Variants in CCDC91 observed in about 807,000 individuals in gnomAD.
CCDC91 encodes coiled-coil domain containing 91, also known as coiled-coil domain-containing protein 91.
Under a neutral mutation model 63.2 loss-of-function variants are expected in CCDC91, and 48 were observed. The observed-to-expected ratio is 0.76, with a 90% CI of 0.60 to 0.97. The LOEUF (loss-of-function observed/expected upper bound fraction) is 0.97, where lower values mean the gene tolerates loss of function less well. Ranked by LOEUF, CCDC91 falls within the 50% of genes least tolerant of loss-of-function variation. The pLI, the probability that CCDC91 is intolerant of heterozygous loss-of-function variation, is 0.00. For missense variants in CCDC91, 500 were observed against 494.6 expected (o/e 1.01, Z -0.10); for synonymous variants, 167 against 165.8 (o/e 1.01, Z -0.06).
intron 1 of CCDC91, among the ~76,000 whole-genome samples, chr12:28,228,596 AT>A (rs1467334670): frequency 6.6e-6 from 1 of 152,028 alleles, no homozygotes; most frequent in Non-Finnish European, 1.5e-5. Flanking sequence ...ACAGACCTAA[AT>A]TTTAGAAAGT....
intron 6 of CCDC91, among the ~76,000 whole-genome samples, chr12:28,355,323 A>G (rs1943452391): frequency 6.6e-6 from 1 of 152,186 alleles, no homozygotes; most frequent in South Asian, 2.1e-4. Context: ...AATCCAATCA[A>G]CAAATTAACC....
rs138418747 is a variant in CCDC91, at chr12:28,507,244, T to G, written c.1215+23079T>G. ...AATCTTAGTAATCCCAAGAATGAAA[T>G]GAGATAATGAGCATAATGTGGCTGC... On this transcript the variant is annotated intron_variant, in intron 12 of 12. Transcript: ENST00000536442. Among the ~76,000 whole-genome samples, 540 of 152,072 alleles carry G rather than the reference T, an allele frequency of 3.6e-3. 2 individuals are homozygous for G. The highest frequency in any genetic ancestry group is 0.012 in the African/African-American group (508 of 41,542).
chr12:28,326,907 G>A (rs1941060723), intron 6 of CCDC91, among the ~76,000 whole-genome samples: 2 of 152,156 alleles, frequency 1.3e-5, no homozygotes, highest in South Asian at 2.1e-4. Flanking sequence ...TTTATTCGAT[G>A]CAATAGAATT....
chr12:28,411,082 G>A (rs1947289001), intron 8 of CCDC91, among the ~76,000 whole-genome samples: 1 of 152,116 alleles, frequency 6.6e-6, no homozygotes, highest in Non-Finnish European at 1.5e-5. Flanking sequence ...TTCCTACTGT[G>A]TGGTAATGCA....
rs758470556 is a variant in CCDC91, at chr12:28,307,788, T to C, written c.576+39T>C. ...ACTTAAGATTTAAAATGTAAGCCTT[T>C]TGATGAAGCATGTGCTATAATTTCA... On this transcript the variant is annotated intron_variant, in intron 6 of 12. Transcript: ENST00000536442. 3 of 1,040,516 alleles carry C rather than the reference T, an allele frequency of 2.9e-6. No individual in the cohort carries two copies. In the East Asian group the frequency reaches 7.3e-5, roughly 25 times the overall value. 64.5% of individuals were successfully genotyped at this position (1,040,516 alleles called of 1,614,324 possible). A position where few individuals can be genotyped will look rare whatever the true frequency, so the allele number is the denominator to read the frequency against.
intron 6 of CCDC91, among the ~76,000 whole-genome samples, chr12:28,315,054 TGTCTA>T (rs1425437530): frequency 1.3e-5 from 2 of 151,956 alleles, no homozygotes; most frequent in African/African-American, 4.8e-5. Flanking sequence ...CATTAAAACA[TGTCTA>T]TATAGTGTAG....
chr12:28,218,988 G>GT (rs1329102837), intron 1 of CCDC91, among the ~76,000 whole-genome samples: 1 of 152,124 alleles, frequency 6.6e-6, no homozygotes, highest in Non-Finnish European at 1.5e-5. Flanking sequence ...TTCTTGGGTT[G>GT]TGTGGCAAGT....
At chr12:28,440,782 G>T (rs1451980206) in intron 8 of CCDC91, among the ~76,000 whole-genome samples, 1 of 151,916 alleles carries the variant, frequency 6.6e-6, no homozygotes, top group Non-Finnish European at 1.5e-5. Flanking sequence ...TTAGAGGCTG[G>T]GAGCAGTGGC....
At chr12:28,459,308 C>A (rs1950198376) in intron 11 of CCDC91, among the ~76,000 whole-genome samples, 1 of 152,090 alleles carries the variant, frequency 6.6e-6, no homozygotes, top group Admixed American at 6.6e-5. Flanking sequence ...TATAAAAAGA[C>A]CTGTTTCTAT....
intron 11 of CCDC91, among the ~76,000 whole-genome samples, chr12:28,482,921 G>A (rs10843186): frequency 0.23 from 35,405 of 151,604 alleles, 4,923 homozygotes; most frequent in Non-Finnish European, 0.32. Flanking sequence ...ATAATATAAT[G>A]GAAATCATAT....
chr12:28,375,880 G>C (rs1944912373), intron 7 of CCDC91, among the ~76,000 whole-genome samples: 1 of 151,752 alleles, frequency 6.6e-6, no homozygotes, highest in South Asian at 2.1e-4. Flanking sequence ...CTATTATGTA[G>C]AGTATCATAT....
intron 3 of CCDC91, among the ~76,000 whole-genome samples, chr12:28,267,041 G>C (rs1334468794): frequency 1.3e-5 from 2 of 151,502 alleles, no homozygotes; most frequent in African/African-American, 4.8e-5. Flanking sequence ...ACTTTTTATT[G>C]TTTTTGAGAG....
chr12:28,527,369 T>G (rs1280123453), intron 12 of CCDC91, among the ~76,000 whole-genome samples: 1 of 152,196 alleles, frequency 6.6e-6, no homozygotes, highest in African/African-American at 2.4e-5. Flanking sequence ...GATTGTTATC[T>G]CTCTTCTGGA....
chr12:28,436,810 T>C (rs1317641490), intron 8 of CCDC91, among the ~76,000 whole-genome samples: 1 of 151,958 alleles, frequency 6.6e-6, no homozygotes, highest in Non-Finnish European at 1.5e-5. Context: ...ATCTAACATG[T>C]TCTGTAGAAA....
chr12:28,324,551 A>G (rs1940808101), intron 6 of CCDC91, among the ~76,000 whole-genome samples: 2 of 151,970 alleles, frequency 1.3e-5, no homozygotes, highest in Non-Finnish European at 2.9e-5. Flanking sequence ...TGCTGAAGCC[A>G]GAATAATTCT....
intron 6 of CCDC91, among the ~76,000 whole-genome samples, chr12:28,346,023 A>AT (rs541839404): frequency 4.6e-5 from 7 of 150,538 alleles, no homozygotes; most frequent in Non-Finnish European, 7.4e-5. Flanking sequence ...TTTCCATGCA[A>AT]TTTTTTTTTG....
In CCDC91 at chr12:28,278,208, T is replaced by C. The variant is rs1565720887; in HGVS notation, c.109+18766T>C. ...GTCTGTGGCATTTTATACTGTTAGC[T>C]AGTCTCTTTTTCATTGTCAGTCATG... On this transcript the variant is annotated intron_variant, in intron 3 of 12. Transcript: ENST00000536442. Among the ~76,000 whole-genome samples the C allele has an allele frequency of 2.0e-5, 3 of 152,056 alleles. No homozygotes were observed. In the South Asian group the frequency reaches 6.2e-4, roughly 32 times the overall value.
At position 28,461,922 on chromosome 12, in the gene CCDC91, C is replaced by T. The variant is rs182578602; in HGVS notation, c.1101+9268C>T. ...ATGTTATTTACTGATGTAATTTTCA[C>T]ATCTAACATAGTGCCATGCATAATA... On this transcript the variant is annotated intron_variant, in intron 11 of 12. Transcript: ENST00000536442. Among the ~76,000 whole-genome samples the T allele has an allele frequency of 3.9e-3, 594 of 152,144 alleles. 7 individuals carry two copies. Among genetic ancestry groups the T allele is most frequent in the African/African-American group, 0.014 (574 of 41,542 alleles).
At chr12:28,284,357 A>G (rs1327205920) in intron 3 of CCDC91, among the ~76,000 whole-genome samples, 1 of 152,110 alleles carries the variant, frequency 6.6e-6, no homozygotes, top group African/African-American at 2.4e-5. Context: ...ATATCTATAG[A>G]AATAGTGATT....
Sources: gnomAD v4.1 joint callset for allele counts (sites outside exome capture counted in the v4.1 genomes callset) on GRCh38, gnomAD v4.1.1 for gene constraint, MANE v1.5 for transcripts, NCBI Gene and HGNC (gene_info 2026-07-23, HGNC 2026-07-21) for gene names.